CTNND2: variants seen among roughly 807,000 people sequenced by gnomAD.
The protein encoded by CTNND2 is catenin delta-2.
Under a neutral mutation model 144.4 loss-of-function variants are expected in CTNND2, and 22 were observed. The ratio of observed to expected loss-of-function variants is 0.15; its 90% CI spans 0.11 to 0.22. The LOEUF is 0.22. Among genes scored for constraint, CTNND2 ranks in the 10% least tolerant of loss-of-function variants. The pLI, the probability that CTNND2 is intolerant of heterozygous loss-of-function variation, is 1.00. For synonymous variants in CTNND2, 751 were observed against 695.6 expected (o/e 1.08, Z -1.25); for missense variants, 1,353 against 1,618.8 (o/e 0.84, Z 2.82).
At chr5:11,553,891 G>C (rs2150088761) in intron 3 of CTNND2, among the ~76,000 whole-genome samples, 1 of 152,036 alleles carries the variant, frequency 6.6e-6, no homozygotes, top group Non-Finnish European at 1.5e-5. Context: ...ATTAATATTA[G>C]CTTTTTGAAG....
chr5:11,206,047 T>A (rs1027782854), intron 10 of CTNND2, among the ~76,000 whole-genome samples: 1 of 152,236 alleles, frequency 6.6e-6, no homozygotes, highest in Non-Finnish European at 1.5e-5. Flanking sequence ...GTAAACATTA[T>A]GTGTCACAGA....
intron 1 of CTNND2, among the ~76,000 whole-genome samples, chr5:11,885,896 G>A (rs1319565671): frequency 6.6e-6 from 1 of 151,964 alleles, no homozygotes; most frequent in African/African-American, 2.4e-5. Context: ...CAAATATCAT[G>A]GAAATTAAGC....
chr5:11,726,957 G>A (rs1485994415), intron 2 of CTNND2, among the ~76,000 whole-genome samples: 2 of 152,152 alleles, frequency 1.3e-5, no homozygotes, highest in Admixed American at 1.3e-4. Context: ...ATAACTTAGA[G>A]TAACTAACAG....
chr5:11,277,958 T>C (rs1746719109), intron 9 of CTNND2, among the ~76,000 whole-genome samples: 1 of 152,194 alleles, frequency 6.6e-6, no homozygotes, highest in South Asian at 2.1e-4. Context: ...ACAACATTGC[T>C]GCAAAGCCTC....
chr5:11,605,223 C>T (rs1426266347), intron 2 of CTNND2, among the ~76,000 whole-genome samples: 1 of 152,178 alleles, frequency 6.6e-6, no homozygotes. Flanking sequence ...GCAGTGCCCA[C>T]ACAACAGACA....
At chr5:11,222,002 T>A (rs1396274605) in intron 10 of CTNND2, among the ~76,000 whole-genome samples, 7 of 152,180 alleles carry the variant, frequency 4.6e-5, no homozygotes, top group African/African-American at 1.7e-4. Flanking sequence ...CTCTAAACGA[T>A]GACATATCAG....
At chr5:11,143,264 C>T (rs1450358744) in intron 12 of CTNND2, among the ~76,000 whole-genome samples, 1 of 152,188 alleles carries the variant, frequency 6.6e-6, no homozygotes, top group African/African-American at 2.4e-5. Flanking sequence ...CCTTCCTATA[C>T]ACTTGCACCC....
At chr5:11,522,711 G>T (rs1030960109) in intron 3 of CTNND2, among the ~76,000 whole-genome samples, 37 of 152,274 alleles carry the variant, frequency 2.4e-4, no homozygotes, top group African/African-American at 8.9e-4. Flanking sequence ...CTCATGACAA[G>T]ATGGCAGACA....
At chr5:11,274,013 T>C (rs1746276802) in intron 9 of CTNND2, among the ~76,000 whole-genome samples, 1 of 152,160 alleles carries the variant, frequency 6.6e-6, no homozygotes, top group African/African-American at 2.4e-5. Flanking sequence ...ATTTTTCCCA[T>C]GTTTTATTTC....
chr5:11,872,259 A>T (rs1192700903), intron 1 of CTNND2, among the ~76,000 whole-genome samples: 1 of 152,176 alleles, frequency 6.6e-6, no homozygotes, highest in Non-Finnish European at 1.5e-5. Context: ...TATACGTGCC[A>T]CATTTTATTT....
chr5:11,410,912 C>T (rs1284596695), intron 5 of CTNND2, among the ~76,000 whole-genome samples: 1 of 151,242 alleles, frequency 6.6e-6, no homozygotes, highest in African/African-American at 2.4e-5. Flanking sequence ...CCTTCTGTTG[C>T]CCAGGATGGA....
At chr5:11,522,478 C>G (rs1402478856) in intron 3 of CTNND2, among the ~76,000 whole-genome samples, 2 of 152,246 alleles carry the variant, frequency 1.3e-5, no homozygotes, top group African/African-American at 2.4e-5. Flanking sequence ...AAAGCATTGC[C>G]GCAGACTACA....
At chr5:11,130,806 C>T (rs965546778) in intron 12 of CTNND2, among the ~76,000 whole-genome samples, 25 of 152,258 alleles carry the variant, frequency 1.6e-4, no homozygotes, top group African/African-American at 5.5e-4. Flanking sequence ...CGGGTCAGTG[C>T]CCGCCCTCCC....
At chr5:11,744,668 AGT>A (rs529940170) in intron 1 of CTNND2, among the ~76,000 whole-genome samples, 3 of 98,654 alleles carry the variant, frequency 3.0e-5, no homozygotes, top group East Asian at 3.0e-4. Context: ...CTTGAAGAGG[AGT>A]GTGTGTGTGT....
intron 3 of CTNND2, among the ~76,000 whole-genome samples, chr5:11,462,579 A>G (rs1362466546): frequency 1.3e-5 from 2 of 152,150 alleles, no homozygotes; most frequent in Non-Finnish European, 2.9e-5. Context: ...ACAGAAGAAT[A>G]TAGAAACAGG....
intron 11 of CTNND2, among the ~76,000 whole-genome samples, chr5:11,163,550 C>T (rs1312557093): frequency 2.0e-5 from 3 of 152,190 alleles, no homozygotes; most frequent in Non-Finnish European, 4.4e-5. Context: ...CCTTTCCTTT[C>T]CTATGAAGCT....
rs556048490 is a variant in CTNND2 at position 11,484,345 on chromosome 5, A to G, written c.288-72276T>C. On this transcript the variant is annotated intron_variant, in intron 3 of 21. Coordinates refer to ENST00000304623, the MANE Select transcript of CTNND2 (RefSeq NM_001332.4). ...TCTGCCCTCTGGCTTCCACAGCACT[A>G]TGACAATGCCTAGGTAAGAGTTAGT... Among the ~76,000 whole-genome samples the G allele has an allele frequency of 2.6e-5, 4 of 152,314 alleles. No homozygotes were observed. The East Asian group carries it at 7.7e-4, about 29-fold the overall frequency.
At chr5:11,407,231 T>C (rs561807700) in intron 5 of CTNND2, among the ~76,000 whole-genome samples, 21 of 152,302 alleles carry the variant, frequency 1.4e-4, no homozygotes, top group African/African-American at 5.1e-4. Context: ...TTTTGTTTTG[T>C]TCCACTGAAG....
intron 18 of CTNND2, among the ~76,000 whole-genome samples, chr5:11,014,943 T>C (rs1043766155): frequency 6.6e-6 from 1 of 152,254 alleles, no homozygotes; most frequent in African/African-American, 2.4e-5. Context: ...TATAAGTTTC[T>C]TTCCCTTAAT....
Sources: allele counts gnomAD v4.1 joint callset (sites outside exome capture counted in the v4.1 genomes callset), GRCh38; gene constraint gnomAD v4.1.1; transcripts MANE v1.5; gene names NCBI Gene and HGNC (gene_info 2026-07-23, HGNC 2026-07-21).